Variants in CD99L2 observed in about 807,000 individuals in gnomAD.
CD99L2 encodes the protein CD99 antigen-like protein 2.
Under a neutral mutation model 27.3 loss-of-function variants are expected in CD99L2, and 24 were observed. The observed-to-expected ratio is 0.88, with a 90% CI of 0.64 to 1.24. CD99L2 has a LOEUF of 1.24. Among genes scored for constraint, CD99L2 ranks in the 50% most tolerant of loss-of-function variants. CD99L2 has a pLI of 0.00. For synonymous variants in CD99L2, 97 were observed against 87.9 expected (o/e 1.10, Z -0.58); for missense variants, 255 against 221.6 (o/e 1.15, Z -0.96).
intron 7 of CD99L2, among the ~76,000 whole-genome samples, chrX:150,778,961 G>A (rs1020475485): frequency 1.3e-4 from 15 of 111,409 alleles, no homozygotes; most frequent in African/African-American, 3.6e-4. Context: ...GGTCCCCTCC[G>A]CTATGCTGGA....
At chrX:150,779,845 G>GAA in intron 7 of CD99L2, among the ~76,000 whole-genome samples, 1 of 112,138 alleles carries the variant, frequency 8.9e-6, no homozygotes. Flanking sequence ...AACTGAAAAT[G>GAA]GAAAAGATCA....
intron 10 of CD99L2, among the ~76,000 whole-genome samples, chrX:150,769,612 T>C (rs1266693837): frequency 3.7e-5 from 4 of 109,251 alleles, no homozygotes; most frequent in East Asian, 2.8e-4. Flanking sequence ...CCAGGCCCAG[T>C]CCCCACGGCT....
intron 1 of CD99L2, among the ~76,000 whole-genome samples, chrX:150,856,623 C>A (rs1336192688): frequency 9.2e-6 from 1 of 109,186 alleles, no homozygotes; most frequent in East Asian, 2.8e-4. Context: ...TGTGTGATCC[C>A]ATTTCTATAA....
intron 1 of CD99L2, among the ~76,000 whole-genome samples, chrX:150,886,385 A>G (rs1429598483): frequency 1.8e-5 from 2 of 112,372 alleles, no homozygotes; most frequent in Admixed American, 9.4e-5. Context: ...TGGTAGCACA[A>G]CACATTACCT....
chrX:150,803,665 G>T (rs1319569996), intron 4 of CD99L2, among the ~76,000 whole-genome samples: 1 of 112,074 alleles, frequency 8.9e-6, no homozygotes, highest in East Asian at 2.8e-4. Flanking sequence ...AAAGCAATTT[G>T]ATAAAGCATA....
chrX:150,775,967 G>A (rs1029340174), intron 9 of CD99L2, among the ~76,000 whole-genome samples: 6 of 112,346 alleles, frequency 5.3e-5, no homozygotes, highest in Non-Finnish European at 1.1e-4. Flanking sequence ...CCAGCCCCAC[G>A]CGCTCTTGCA....
At chrX:150,814,800 G>GA (rs1351086718) in intron 4 of CD99L2, 62 bp downstream of exon 4, 1 of 1,017,900 alleles carries the variant, frequency 9.8e-7, no homozygotes, top group African/African-American at 1.9e-5. Flanking sequence ...GGCTCTGTGG[G>GA]ATGTTGATGT....
intron 9 of CD99L2, among the ~76,000 whole-genome samples, chrX:150,772,966 C>T: frequency 8.9e-6 from 1 of 112,359 alleles, no homozygotes; most frequent in Non-Finnish European, 1.9e-5. Context: ...CCCCGCTTTG[C>T]CTGCTGATCC....
intron 1 of CD99L2, among the ~76,000 whole-genome samples, chrX:150,884,675 C>T (rs2047380995): frequency 9.0e-6 from 1 of 111,561 alleles, no homozygotes; most frequent in Non-Finnish European, 1.9e-5. Context: ...AGAGTGAGAT[C>T]CCATCTCAAT....
At chrX:150,783,787 G>A (rs1027542916) in intron 7 of CD99L2, among the ~76,000 whole-genome samples, 1 of 111,855 alleles carries the variant, frequency 8.9e-6, no homozygotes, top group Non-Finnish European at 1.9e-5. Context: ...GTGAAATGCT[G>A]GGTGCTGCAA....
At chrX:150,892,433 C>T (rs782625656) in intron 1 of CD99L2, among the ~76,000 whole-genome samples, 4 of 105,366 alleles carry the variant, frequency 3.8e-5, no homozygotes, top group African/African-American at 1.4e-4. Flanking sequence ...GGTGAAACCT[C>T]GCCTCTACTA....
chrX:150,870,360 C>T (rs2047137741), intron 1 of CD99L2, among the ~76,000 whole-genome samples: 1 of 111,748 alleles, frequency 8.9e-6, no homozygotes, highest in Admixed American at 9.5e-5. Flanking sequence ...AGATTTTAAG[C>T]CATACTTCCA....
chrX:150,881,554 A>G (rs1245785407), intron 1 of CD99L2, among the ~76,000 whole-genome samples: 2 of 112,590 alleles, frequency 1.8e-5, no homozygotes, highest in Non-Finnish European at 3.8e-5. Flanking sequence ...TCCAGCACCA[A>G]GCAAGATGCC....
chrX:150,836,453 AAGT>A (rs35863513), intron 1 of CD99L2, among the ~76,000 whole-genome samples: 6,069 of 110,373 alleles, frequency 0.055, 143 homozygotes, highest in South Asian at 0.14. Context: ...TCAGCCCCCC[AAGT>A]AGCTGGGATT....
chrX:150,778,357 C>T (rs982111712), intron 7 of CD99L2, among the ~76,000 whole-genome samples: 1 of 108,983 alleles, frequency 9.2e-6, no homozygotes. Context: ...CAGGGGAAAC[C>T]GCCCTGGGAT....
At chrX:150,898,481 G>T in intron 1 of CD99L2, 41 bp downstream of exon 1, 1 of 1,061,843 alleles carries the variant, frequency 9.4e-7, no homozygotes, top group Non-Finnish European at 1.2e-6. Context: ...CCACAAGGCG[G>T]GGTCCCCGCG....
rs1569565839 is a variant in CD99L2, at chrX:150,769,723, C to CACAGAAGGG, written c.721+580_721+581insCCCTTCTGT. Among the ~76,000 whole-genome samples the CACAGAAGGG allele has an allele frequency of 2.3e-4, 25 of 106,543 alleles. 1 individual carries two copies. In the East Asian group the frequency reaches 7.5e-3, roughly 32 times the overall value. The allele number at this position is 106,543 out of a possible 115,157, so 92.5% of individuals were successfully genotyped here. On this transcript the variant is annotated intron_variant, in intron 10 of 10. Coordinates refer to ENST00000370377, the MANE Select transcript of CD99L2 (RefSeq NM_031462.4). ...GCTCCCCGACCCCAGCAAGCCTTTC[C>CACAGAAGGG]GGACCTCCTCATTGGCATCCCGTGG...
intron 1 of CD99L2, among the ~76,000 whole-genome samples, chrX:150,883,085 A>ACTTGAAGCCGGGAGAATCG (rs1157106198): frequency 8.9e-6 from 1 of 111,738 alleles, no homozygotes; most frequent in African/African-American, 3.3e-5. Flanking sequence ...CAGGAAAATC[A>ACTTGAAGCCGGGAGAATCG]CTTGAAGCCG....
At chrX:150,881,380 T>A (rs1190533616) in intron 1 of CD99L2, among the ~76,000 whole-genome samples, 1 of 111,723 alleles carries the variant, frequency 9.0e-6, no homozygotes, top group Non-Finnish European at 1.9e-5. Context: ...CCTGGCACAG[T>A]CCCAGCTAGG....
Sources: allele counts gnomAD v4.1 joint callset (sites outside exome capture counted in the v4.1 genomes callset), GRCh38; gene constraint gnomAD v4.1.1; transcripts MANE v1.5; gene names NCBI Gene and HGNC (gene_info 2026-07-23, HGNC 2026-07-21).